KCNQ5: variants seen among roughly 807,000 people sequenced by gnomAD.
KCNQ5 encodes the protein potassium voltage-gated channel subfamily Q member 5, also known as potassium voltage-gated channel subfamily KQT member 5.
KCNQ5 carries 30 observed loss-of-function variants against 98.2 expected under a neutral mutation model. That is an observed-to-expected ratio of 0.31 (90% CI 0.23 to 0.41). The LOEUF is 0.41. Ranked by LOEUF, KCNQ5 falls within the 10% of genes least tolerant of loss-of-function variation. KCNQ5 has a pLI of 1.00. For missense variants in KCNQ5, 835 were observed against 1,182.5 expected (o/e 0.71, Z 4.31); for synonymous variants, 458 against 449.4 (o/e 1.02, Z -0.24).
At chr6:72,907,549 GC>G (rs1346775001) in intron 1 of KCNQ5, among the ~76,000 whole-genome samples, 1 of 151,930 alleles carries the variant, frequency 6.6e-6, no homozygotes, top group Non-Finnish European at 1.5e-5. Context: ...GAAAATTGTG[GC>G]TATTTATCTT....
At chr6:73,049,001 A>G (rs1481302676) in intron 3 of KCNQ5, among the ~76,000 whole-genome samples, 1 of 152,176 alleles carries the variant, frequency 6.6e-6, no homozygotes, top group Non-Finnish European at 1.5e-5. Flanking sequence ...CTGAAACTGT[A>G]TGATCAATAA....
At chr6:72,671,423 A>G (rs570699109) in intron 1 of KCNQ5, among the ~76,000 whole-genome samples, 10 of 152,326 alleles carry the variant, frequency 6.6e-5, no homozygotes, top group African/African-American at 2.4e-4. Context: ...ATAAAGTCTC[A>G]GTAATTGCAA....
intron 1 of KCNQ5, among the ~76,000 whole-genome samples, chr6:72,950,837 G>A (rs1238655731): frequency 6.6e-6 from 1 of 152,136 alleles, no homozygotes; most frequent in Non-Finnish European, 1.5e-5. Context: ...GACGCTTTTT[G>A]CCTATCATGA....
At position 72,821,624 on chromosome 6, in the gene KCNQ5, G is replaced by GT. The variant is rs567680340; in HGVS notation, c.399-182273dup. ...GTTTCAAGATTTTTTGTTTGGTTTT[G>GT]TTTTTTTTTTTAATGTATTAGAGTT... On this transcript the variant is annotated intron_variant, in intron 1 of 13. Transcript: ENST00000370398. Among the ~76,000 whole-genome samples, 1,040 of 140,680 alleles carry GT rather than the reference G, an allele frequency of 7.4e-3. 7 individuals carry two copies. Among genetic ancestry groups the GT allele is most frequent in the Admixed American group, 0.018 (257 of 14,150 alleles). The allele number at this position is 140,680 out of a possible 152,430, so 92.3% of individuals were successfully genotyped here. A position where few individuals can be genotyped will look rare whatever the true frequency, so the allele number is the denominator to read the frequency against.
chr6:73,127,466 A>T (rs1348987684), intron 9 of KCNQ5, among the ~76,000 whole-genome samples: 1 of 152,198 alleles, frequency 6.6e-6, no homozygotes, highest in Non-Finnish European at 1.5e-5. Flanking sequence ...CCAAGTGTAG[A>T]TGAACTCAAC....
intron 6 of KCNQ5, among the ~76,000 whole-genome samples, chr6:73,110,720 G>A (rs770360081): frequency 6.6e-6 from 1 of 152,238 alleles, no homozygotes; most frequent in South Asian, 2.1e-4. Context: ...CTTTTAGTAG[G>A]TGTACAGTTA....
At chr6:72,757,238 A>G (rs983409323) in intron 1 of KCNQ5, among the ~76,000 whole-genome samples, 3 of 152,168 alleles carry the variant, frequency 2.0e-5, no homozygotes, top group African/African-American at 4.8e-5. Flanking sequence ...AGATCTAATC[A>G]TAGCAGCAGT....
At chr6:72,815,036 A>G (rs1775437352) in intron 1 of KCNQ5, among the ~76,000 whole-genome samples, 1 of 152,184 alleles carries the variant, frequency 6.6e-6, no homozygotes. Flanking sequence ...GGAGAAGTGG[A>G]CCATGGTCAG....
intron 1 of KCNQ5, among the ~76,000 whole-genome samples, chr6:72,910,561 GGGGTGTGTGTGTGTGTGT>G (rs750960817): frequency 9.7e-6 from 1 of 102,884 alleles, no homozygotes; most frequent in African/African-American, 3.7e-5. Flanking sequence ...GAAAGGTAGG[GGGGTGTGTGTGTGTGTGT>G]GTGTGTGTGT....
chr6:73,179,115 T>C (rs574260512), intron 11 of KCNQ5, among the ~76,000 whole-genome samples: 7 of 152,288 alleles, frequency 4.6e-5, no homozygotes, highest in Admixed American at 6.5e-5. Context: ...AATCAGAAGA[T>C]AGAATTTTCC....
intron 1 of KCNQ5, among the ~76,000 whole-genome samples, chr6:72,946,870 T>C (rs1766570655): frequency 6.6e-6 from 1 of 152,196 alleles, no homozygotes; most frequent in African/African-American, 2.4e-5. Flanking sequence ...TTTCCTCCTA[T>C]GATAATAAAG....
chr6:72,668,572 C>A (rs531402237), intron 1 of KCNQ5, among the ~76,000 whole-genome samples: 40 of 152,058 alleles, frequency 2.6e-4, no homozygotes, highest in Non-Finnish European at 5.0e-4. Flanking sequence ...AACTTGGTTA[C>A]TCCAGGTGAT....
intron 3 of KCNQ5, 167 bp downstream of exon 3, chr6:73,042,229 C>T (rs147665931): frequency 6.8e-6 from 5 of 735,832 alleles, no homozygotes; most frequent in Non-Finnish European, 2.4e-6. Flanking sequence ...ATGTTGTCTC[C>T]ACAGCATTAT....
chr6:72,953,637 C>T (rs1174381850), intron 1 of KCNQ5, among the ~76,000 whole-genome samples: 1 of 152,174 alleles, frequency 6.6e-6, no homozygotes, highest in African/African-American at 2.4e-5. Context: ...CCCATCCCTT[C>T]TGTAACTAAG....
chr6:73,167,780 G>A (rs1335424380), intron 10 of KCNQ5, among the ~76,000 whole-genome samples: 1 of 152,174 alleles, frequency 6.6e-6, no homozygotes, highest in African/African-American at 2.4e-5. Context: ...TCTCCCAGAA[G>A]AGACAAATGC....
At chr6:72,728,891 GT>G (rs944087592) in intron 1 of KCNQ5, among the ~76,000 whole-genome samples, 1 of 151,952 alleles carries the variant, frequency 6.6e-6, no homozygotes, top group Non-Finnish European at 1.5e-5. Flanking sequence ...ACTTATTTAG[GT>G]TTTTGCCTAG....
Position 72,660,044 on chromosome 6 carries a change from GCAAACCTTTTAAAACCTAAGCCAGGT to G in KCNQ5, c.398+37460_398+37485del, listed in dbSNP as rs1421004908. Reference sequence around the variant, plus strand: ...GGCTGTTTTCAACACTGAAGCCAGGGCAAACCTTTTAAAACCTAAGCCAGGTCATATATTTCCTCTGTTGAGGATGT... The same window carrying G: ...GGCTGTTTTCAACACTGAAGCCAGGGCATATATTTCCTCTGTTGAGGATGT... On this transcript the variant is annotated intron_variant, in intron 1 of 13. Transcript: ENST00000370398. Among the ~76,000 whole-genome samples the G allele has an allele frequency of 1.6e-4, 25 of 152,238 alleles. 1 individual carries two copies. The highest frequency in any genetic ancestry group is 3.4e-3 in the Middle Eastern group (1 of 294).
At chr6:72,626,157 A>C (rs577658576) in intron 1 of KCNQ5, among the ~76,000 whole-genome samples, 1 of 152,390 alleles carries the variant, frequency 6.6e-6, no homozygotes, top group East Asian at 1.9e-4. Flanking sequence ...AAGCCTGTGA[A>C]CAAGTGTGAA....
intron 1 of KCNQ5, among the ~76,000 whole-genome samples, chr6:72,952,180 A>G (rs1006738554): frequency 6.6e-6 from 1 of 152,218 alleles, no homozygotes; most frequent in African/African-American, 2.4e-5. Flanking sequence ...CACACAACAG[A>G]GCCAACTTCA....
Sources: allele counts gnomAD v4.1 joint callset (sites outside exome capture counted in the v4.1 genomes callset), GRCh38; gene constraint gnomAD v4.1.1; transcripts MANE v1.5; gene names NCBI Gene and HGNC (gene_info 2026-07-23, HGNC 2026-07-21).